UNC79: variants seen among roughly 807,000 people sequenced by gnomAD.
The protein encoded by UNC79 is protein unc-79 homolog.
UNC79 carries 37 observed loss-of-function variants against 283.1 expected under a neutral mutation model. The ratio of observed to expected loss-of-function variants is 0.13; its 90% CI spans 0.10 to 0.17. The LOEUF (loss-of-function observed/expected upper bound fraction) is 0.17. Ranked by LOEUF, UNC79 falls within the 10% of genes least tolerant of loss-of-function variation. The probability of loss-of-function intolerance (pLI) is 1.00; values close to 1 mark genes in which losing one functional copy is unlikely to be tolerated. For missense variants in UNC79, 2,272 were observed against 3,211.1 expected (o/e 0.71, Z 7.07); for synonymous variants, 1,107 against 1,200.2 (o/e 0.92, Z 1.61).
chr14:93,696,870 G>A (rs1351482192), intron 47 of UNC79, among the ~76,000 whole-genome samples: 19 of 151,936 alleles, frequency 1.3e-4, no homozygotes, highest in Admixed American at 1.2e-3. Flanking sequence ...TTTTATTTGT[G>A]TTTTATTCTA....
At chr14:93,386,621 A>G (rs149016648) in intron 1 of UNC79, among the ~76,000 whole-genome samples, 1 of 152,274 alleles carries the variant, frequency 6.6e-6, no homozygotes, top group African/African-American at 2.4e-5. Flanking sequence ...ATGGGAGACT[A>G]TTATGGCTTC....
intron 2 of UNC79, 52 bp downstream of exon 2, chr14:93,467,843 G>T: frequency 6.9e-7 from 1 of 1,443,650 alleles, no homozygotes; most frequent in African/African-American, 1.5e-5. Context: ...TAGTATTGCT[G>T]AATTTATTGG....
intron 14 of UNC79, among the ~76,000 whole-genome samples, chr14:93,547,431 A>G (rs1183914555): frequency 1.3e-5 from 2 of 152,128 alleles, no homozygotes; most frequent in Admixed American, 6.5e-5. Flanking sequence ...CAAGACCAGG[A>G]TTTTATTTAG....
Position 93,404,493 on chromosome 14 carries a change from A to AAAATATATATAT in UNC79, c.-350-63177_-350-63176insAATATATATATA. On this transcript the variant is annotated intron_variant, in intron 1 of 49. Transcript: ENST00000256339. ...TGACAGAGTGAGACCTTCTAAAAAA[A>AAAATATATATAT]ATATATATATATATATATATAAATA... Among the ~76,000 whole-genome samples the AAAATATATATAT allele has an allele frequency of 1.2e-3, 71 of 61,496 alleles. 3 individuals carry two copies. The highest frequency in any genetic ancestry group is 4.4e-3 in the African/African-American group (66 of 15,000). The allele number at this position is 61,496 out of a possible 152,430, so 40.3% of individuals were successfully genotyped here. A position where few individuals can be genotyped will look rare whatever the true frequency, so the allele number is the denominator to read the frequency against.
chr14:93,616,845 A>G (rs1474735988), intron 27 of UNC79, among the ~76,000 whole-genome samples: 2 of 152,184 alleles, frequency 1.3e-5, no homozygotes, highest in Non-Finnish European at 2.9e-5. Context: ...ACTCTGGTTA[A>G]TAGTTGAATG....
chr14:93,616,298 A>T (rs1182926494), intron 27 of UNC79, among the ~76,000 whole-genome samples: 2 of 150,058 alleles, frequency 1.3e-5, no homozygotes, highest in African/African-American at 4.9e-5. Flanking sequence ...CACTTGTCTG[A>T]TTATGTCTTT....
Position 93,578,124 on chromosome 14 carries a change from G to A in UNC79, c.2433+61G>A. 7 of 1,480,136 alleles carry A rather than the reference G, an allele frequency of 4.7e-6. No homozygotes were observed. In the South Asian group the frequency reaches 8.6e-5, roughly 18 times the overall value. The allele number at this position is 1,480,136 out of a possible 1,614,324, so 91.7% of individuals were successfully genotyped here. ...GAAGAATGAGAGAAAGCGTTGTACA[G>A]CAATTCTTTCCATGTGTTGGGCATC... On this transcript the variant is annotated intron_variant, in intron 18 of 48. Coordinates refer to ENST00000555664, the Ensembl canonical transcript of UNC79.
chr14:93,634,971 G>T (rs1211936272), intron 31 of UNC79, among the ~76,000 whole-genome samples: 1 of 152,102 alleles, frequency 6.6e-6, no homozygotes, highest in Non-Finnish European at 1.5e-5. Context: ...AGTATTCTCT[G>T]TTGTATAAAC....
chr14:93,638,080 G>T (rs937139829), intron 32 of UNC79, among the ~76,000 whole-genome samples: 7 of 152,178 alleles, frequency 4.6e-5, no homozygotes, highest in Admixed American at 3.9e-4. Flanking sequence ...GTAGTTAATT[G>T]TTACCTTTGT....
intron 22 of UNC79, among the ~76,000 whole-genome samples, chr14:93,590,465 A>T (rs1038401161): frequency 5.9e-5 from 9 of 152,244 alleles, no homozygotes; most frequent in African/African-American, 2.2e-4. Context: ...GGAGTGAGGG[A>T]AAAGGGTCGA....
intron 12 of UNC79, among the ~76,000 whole-genome samples, chr14:93,538,541 G>T (rs900754282): frequency 6.6e-6 from 1 of 152,068 alleles, no homozygotes; most frequent in Non-Finnish European, 1.5e-5. Flanking sequence ...CTCAGTAATA[G>T]CATTGAGGAA....
At chr14:93,505,956 A>T in intron 7 of UNC79, among the ~76,000 whole-genome samples, 1 of 151,544 alleles carries the variant, frequency 6.6e-6, no homozygotes, top group East Asian at 1.9e-4. Context: ...TCCATGCTAT[A>T]CTTTATTTTA....
intron 1 of UNC79, among the ~76,000 whole-genome samples, chr14:93,465,442 A>C (rs558056551): frequency 6.6e-6 from 1 of 152,332 alleles, no homozygotes; most frequent in South Asian, 2.1e-4. Context: ...AAGCTGGTAT[A>C]GAAAAACAAG....
At chr14:93,354,598 A>G (rs1333807105) in intron 1 of UNC79, among the ~76,000 whole-genome samples, 1 of 152,304 alleles carries the variant, frequency 6.6e-6, no homozygotes, top group East Asian at 1.9e-4. Flanking sequence ...CCTGGTCTCA[A>G]GTGATCCTCC....
At chr14:93,424,206 A>C (rs1027746317) in intron 1 of UNC79, among the ~76,000 whole-genome samples, 3 of 152,220 alleles carry the variant, frequency 2.0e-5, no homozygotes, top group African/African-American at 7.2e-5. Flanking sequence ...TTCAAAAGTC[A>C]GGCAAAAACA....
intron 1 of UNC79, among the ~76,000 whole-genome samples, chr14:93,336,925 C>T (rs1053148384): frequency 2.0e-5 from 3 of 152,108 alleles, no homozygotes; most frequent in Admixed American, 6.5e-5. Flanking sequence ...GAAGGCAGAT[C>T]CCTCATGAAT....
intron 1 of UNC79, among the ~76,000 whole-genome samples, chr14:93,342,362 A>T (rs899889451): frequency 1.1e-4 from 17 of 152,152 alleles, no homozygotes; most frequent in African/African-American, 4.1e-4. Flanking sequence ...CCATGGCTGG[A>T]GCTGGAGTGG....
rs965647227 is a variant in UNC79 at position 93,617,969 on chromosome 14, A to G, written c.4225-223A>G. The stretch of plus-strand genomic sequence containing the variant: ...GATCACCTGAGCCCGGTAGGCTGCT[A>G]TGATCACGCCACAGCACTCCAACCT... On this transcript the variant is annotated intron_variant, in intron 28 of 48. Coordinates refer to ENST00000555664, the Ensembl canonical transcript of UNC79. The surrounding 1 kb of genome is among the most constrained non-coding windows in gnomAD (Gnocchi z 4.5). Among the ~76,000 whole-genome samples the G allele has an allele frequency of 1.3e-5, 2 of 152,138 alleles. No homozygotes were observed. The highest frequency in any genetic ancestry group is 4.8e-5 in the African/African-American group (2 of 41,440).
chr14:93,518,946 G>A (rs913659477), intron 7 of UNC79, among the ~76,000 whole-genome samples: 2 of 151,922 alleles, frequency 1.3e-5, no homozygotes, highest in African/African-American at 4.8e-5. Context: ...TTTATGGACT[G>A]GAATACCTAT....
Sources: gnomAD v4.1 joint callset for allele counts (sites outside exome capture counted in the v4.1 genomes callset) on GRCh38, gnomAD v4.1.1 for gene constraint, Gnocchi (gnomAD v3.1) non-coding constraint, MANE v1.5 for transcripts, NCBI Gene and HGNC (gene_info 2026-07-23, HGNC 2026-07-21) for gene names.